PALM2AKAP2: variants seen among roughly 807,000 people sequenced by gnomAD.
The protein encoded by PALM2AKAP2 is PALM2 and AKAP2 fusion, also known as PALM2-AKAP2 fusion protein.
Under a neutral mutation model 71.5 loss-of-function variants are expected in PALM2AKAP2, and 37 were observed. The observed-to-expected ratio is 0.52, with a 90% CI of 0.40 to 0.68. The LOEUF (loss-of-function observed/expected upper bound fraction) is 0.68, where lower values mean the gene tolerates loss of function less well. Ranked by LOEUF, PALM2AKAP2 falls within the 30% of genes least tolerant of loss-of-function variation. The pLI is 0.00. For synonymous variants in PALM2AKAP2, 468 were observed against 478.8 expected, an observed-to-expected ratio of 0.98 and a Z score of 0.29; for missense variants, 1,224 against 1,191.8, an observed-to-expected ratio of 1.03 and a Z score of -0.40.
At chr9:109,642,937 C>T (rs1827092134) in intron 1 of PALM2AKAP2, among the ~76,000 whole-genome samples, 1 of 150,070 alleles carries the variant, frequency 6.7e-6, no homozygotes, top group South Asian at 2.1e-4. Flanking sequence ...GGTAGGAAGT[C>T]TTGATGAGCC....
At chr9:110,099,472 A>G (rs1352806192) in intron 1 of PALM2AKAP2, among the ~76,000 whole-genome samples, 3 of 152,112 alleles carry the variant, frequency 2.0e-5, no homozygotes, top group African/African-American at 4.8e-5. Flanking sequence ...CTGAGCAACT[A>G]TCTTTTGGAA....
rs1373106705 is a variant in PALM2AKAP2, at chr9:109,668,228, G to A, written c.5+27362G>A. On this transcript the variant is annotated intron_variant, in intron 1 of 6. Transcript: ENST00000374531. ...TGGGATTACAGGCGTGAGCCACCGCGCCCGGCCGGCTTTGGTTTTAAAGTA... is the reference window on the plus strand; with the variant it reads ...TGGGATTACAGGCGTGAGCCACCGCACCCGGCCGGCTTTGGTTTTAAAGTA... Among the ~76,000 whole-genome samples, 20 of 20,676 alleles carry A rather than the reference G, an allele frequency of 9.7e-4. 10 individuals carry two copies. The African/African-American group carries it at 0.015, about 16-fold the overall frequency. The allele number at this position is 20,676 out of a possible 152,430, so 13.6% of individuals were successfully genotyped here.
In PALM2AKAP2 at chr9:109,940,675, A is replaced by G. The variant is rs1486055079; in HGVS notation, c.496+8647A>G. 2.0e-5 allele frequency among the ~76,000 whole-genome samples: 3 copies of G among 152,162 alleles called. No individual in the cohort carries two copies. The East Asian group carries it at 5.8e-4, about 29-fold the overall frequency. On this transcript the variant is annotated intron_variant, in intron 6 of 9. Transcript: ENST00000302798. ...AAGTTTGGAGGAGCAACAGAAGGCT[A>G]TCTAGGCAGAGGGACAGCAGGCACA... is the stretch of plus-strand genomic sequence containing the variant.
In PALM2AKAP2 at chr9:110,096,203, C is replaced by G. The variant is rs562613078; in HGVS notation, c.157-39924C>G. Among the ~76,000 whole-genome samples the G allele has an allele frequency of 1.9e-4, 29 of 152,328 alleles. No homozygotes were observed. In the East Asian group the frequency reaches 5.6e-3, roughly 29 times the overall value. On this transcript the variant is annotated intron_variant, in intron 1 of 3. Coordinates refer to ENST00000374525, the Ensembl canonical transcript of PALM2AKAP2. ...GGCTAATGTGATTTGGATCTAGATT[C>G]TGTTTAATAACCTGCCAAAGGCACC...
intron 3 of PALM2AKAP2, among the ~76,000 whole-genome samples, chr9:109,906,429 C>T (rs918465720): frequency 2.6e-5 from 4 of 152,152 alleles, no homozygotes; most frequent in African/African-American, 7.2e-5. Context: ...GAACTCCTGA[C>T]TTCAAGCGAT....
At chr9:110,121,586 C>T (rs1835488104) in intron 1 of PALM2AKAP2, among the ~76,000 whole-genome samples, 2 of 152,342 alleles carry the variant, frequency 1.3e-5, no homozygotes, top group South Asian at 4.1e-4. Context: ...AAGCCAGCCT[C>T]TCTACCCTGA....
chr9:110,034,467 T>C (rs1485219062), intron 7 of PALM2AKAP2, among the ~76,000 whole-genome samples: 1 of 152,068 alleles, frequency 6.6e-6, no homozygotes, highest in African/African-American at 2.4e-5. Context: ...CTCTTTTGCA[T>C]GTTTCTTGGG....
chr9:110,087,768 C>A (rs1834607044), intron 1 of PALM2AKAP2, among the ~76,000 whole-genome samples: 1 of 152,170 alleles, frequency 6.6e-6, no homozygotes, highest in Admixed American at 6.5e-5. Flanking sequence ...AGTTACTGTT[C>A]TAGGCATGTA....
At chr9:109,698,678 C>T (rs949843006) in intron 1 of PALM2AKAP2, among the ~76,000 whole-genome samples, 2 of 152,190 alleles carry the variant, frequency 1.3e-5, no homozygotes, top group African/African-American at 4.8e-5. Flanking sequence ...TATATCCATT[C>T]AGAGACGGCA....
chr9:109,689,938 A>C (rs920091912), intron 1 of PALM2AKAP2, among the ~76,000 whole-genome samples: 1 of 152,230 alleles, frequency 6.6e-6, no homozygotes, highest in African/African-American at 2.4e-5. Flanking sequence ...CTAGAAGTGG[A>C]ATGAGGCCAG....
At chr9:110,107,895 T>C (rs749605572) in intron 1 of PALM2AKAP2, among the ~76,000 whole-genome samples, 1 of 152,140 alleles carries the variant, frequency 6.6e-6, no homozygotes, top group Non-Finnish European at 1.5e-5. Context: ...AAGAGTAAGT[T>C]GATATGAACA....
intron 4 of PALM2AKAP2, 22 bp downstream of exon 4, chr9:109,923,871 T>G: frequency 1.9e-6 from 3 of 1,553,040 alleles, no homozygotes; most frequent in Non-Finnish European, 2.6e-6. Flanking sequence ...CAAAACGATT[T>G]CTCAAAGTTA....
chr9:109,989,302 G>A (rs1007308571), intron 6 of PALM2AKAP2, among the ~76,000 whole-genome samples: 9 of 152,180 alleles, frequency 5.9e-5, no homozygotes, highest in African/African-American at 1.7e-4. Context: ...AACAATGAAT[G>A]GCAAGGCAAG....
intron 3 of PALM2AKAP2, among the ~76,000 whole-genome samples, chr9:109,888,646 G>A (rs143303405): frequency 1.1e-3 from 159 of 143,354 alleles, no homozygotes; most frequent in African/African-American, 3.9e-3. Context: ...GGAGGCGGAG[G>A]TTGCAGTGAG....
At chr9:110,040,320 G>A (rs1487984801) in intron 7 of PALM2AKAP2, among the ~76,000 whole-genome samples, 1 of 152,070 alleles carries the variant, frequency 6.6e-6, no homozygotes, top group East Asian at 1.9e-4. Flanking sequence ...AATTTATTCT[G>A]TGTATATAAA....
At chr9:109,973,538 AC>A (rs1832111646) in intron 6 of PALM2AKAP2, among the ~76,000 whole-genome samples, 1 of 152,204 alleles carries the variant, frequency 6.6e-6, no homozygotes, top group Non-Finnish European at 1.5e-5. Flanking sequence ...AAGGCAAGTC[AC>A]ATGGCCAAGC....
chr9:109,927,019 C>T (rs958359781), intron 5 of PALM2AKAP2, among the ~76,000 whole-genome samples: 10 of 152,176 alleles, frequency 6.6e-5, no homozygotes, highest in African/African-American at 2.4e-4. Context: ...AGACTCCATC[C>T]TCCAGGATGG....
At chr9:110,056,148 T>C (rs900641158) in intron 1 of PALM2AKAP2, among the ~76,000 whole-genome samples, 2 of 152,238 alleles carry the variant, frequency 1.3e-5, no homozygotes, top group African/African-American at 4.8e-5. Flanking sequence ...AGAGTCCTCC[T>C]GAGCTCCCAC....
At chr9:110,029,263 A>T (rs1833237071) in intron 7 of PALM2AKAP2, among the ~76,000 whole-genome samples, 1 of 152,204 alleles carries the variant, frequency 6.6e-6, no homozygotes, top group African/African-American at 2.4e-5. Flanking sequence ...TGGAAGCCTT[A>T]TTCTAGGATC....
Sources: allele counts gnomAD v4.1 joint callset (sites outside exome capture counted in the v4.1 genomes callset), GRCh38; gene constraint gnomAD v4.1.1; transcripts MANE v1.5; gene names NCBI Gene and HGNC (gene_info 2026-07-23, HGNC 2026-07-21).